Variants in FRMD6 observed in about 807,000 individuals in gnomAD.
FRMD6 encodes FERM domain containing 6, also known as FERM domain-containing protein 6.
In FRMD6, 37 loss-of-function variants were observed where a neutral mutation model predicts 73.2. That is an observed-to-expected ratio of 0.51 (90% CI 0.39 to 0.66). The LOEUF (loss-of-function observed/expected upper bound fraction) is 0.66. Ranked by LOEUF, FRMD6 falls within the 30% of genes least tolerant of loss-of-function variation. The pLI, the probability that FRMD6 is intolerant of heterozygous loss-of-function variation, is 0.00. For missense variants in FRMD6, 714 were observed against 780.5 expected (o/e 0.91, Z 1.02); for synonymous variants, 273 against 282.2 (o/e 0.97, Z 0.33).
chr14:51,544,252 AG>A (rs1393958833), intron 1 of FRMD6, among the ~76,000 whole-genome samples: 4 of 152,064 alleles, frequency 2.6e-5, no homozygotes, highest in Admixed American at 6.6e-5. Context: ...TAATGGAATG[AG>A]GTTTTTAAAA....
chr14:51,478,110 C>A, the FRMD6 span, among the ~76,000 whole-genome samples: 1 of 152,138 alleles, frequency 6.6e-6, no homozygotes, highest in Non-Finnish European at 1.5e-5. Flanking sequence ...ATAATGTTTT[C>A]TGTAACTGAG....
chr14:51,519,076 A>G (rs983480382), intron 1 of FRMD6, among the ~76,000 whole-genome samples: 1 of 152,168 alleles, frequency 6.6e-6, no homozygotes, highest in African/African-American at 2.4e-5. Context: ...AAATGATTTA[A>G]TACATGGGAC....
chr14:51,435,795 TTGAA>T, the FRMD6 span, among the ~76,000 whole-genome samples: 1 of 152,160 alleles, frequency 6.6e-6, no homozygotes, highest in African/African-American at 2.4e-5. Flanking sequence ...AGAGAGAACT[TTGAA>T]TGTTCTCAAC....
intron 1 of FRMD6, among the ~76,000 whole-genome samples, chr14:51,678,770 C>T (rs1241736286): frequency 7.1e-6 from 1 of 140,316 alleles, no homozygotes; most frequent in East Asian, 2.1e-4. Flanking sequence ...AGGCATGCTT[C>T]ACAGACCAGC....
At chr14:51,474,714 CA>C in the FRMD6 span, among the ~76,000 whole-genome samples, 1 of 152,090 alleles carries the variant, frequency 6.6e-6, no homozygotes, top group South Asian at 2.1e-4. Flanking sequence ...GAGACAGATT[CA>C]AAAGCTTGGA....
At chr14:51,629,168 C>T (rs1196550829) in intron 2 of FRMD6, among the ~76,000 whole-genome samples, 2 of 152,148 alleles carry the variant, frequency 1.3e-5, no homozygotes, top group Non-Finnish European at 2.9e-5. Context: ...CGTGAGCCAC[C>T]GCGCCCAGCC....
the FRMD6 span, among the ~76,000 whole-genome samples, chr14:51,425,247 C>T: frequency 6.6e-6 from 1 of 152,160 alleles, no homozygotes; most frequent in Non-Finnish European, 1.5e-5. Flanking sequence ...CCCTGATTAT[C>T]CTCGTCCTTG....
At chr14:51,401,411 G>A in the FRMD6 span, among the ~76,000 whole-genome samples, 10 of 152,292 alleles carry the variant, frequency 6.6e-5, no homozygotes, top group African/African-American at 2.4e-4. Context: ...TCTGCTTTGG[G>A]TTTGGCGGAC....
chr14:51,566,717 G>A (rs747508489), intron 1 of FRMD6, among the ~76,000 whole-genome samples: 6 of 152,232 alleles, frequency 3.9e-5, no homozygotes, highest in East Asian at 1.9e-4. Context: ...ACTTTTTACC[G>A]CAATTACTTT....
chr14:51,471,843 AGAG>A, the FRMD6 span, among the ~76,000 whole-genome samples: 1 of 152,222 alleles, frequency 6.6e-6, no homozygotes, highest in African/African-American at 2.4e-5. Context: ...AAGGAAAACA[AGAG>A]GAGAAAATTA....
chr14:51,626,563 A>G (rs1891124766), intron 2 of FRMD6, among the ~76,000 whole-genome samples: 1 of 152,210 alleles, frequency 6.6e-6, no homozygotes, highest in Non-Finnish European at 1.5e-5. Flanking sequence ...GTGAAATCCC[A>G]AATACAGTGC....
chr14:51,605,139 C>CTTTTTTT (rs11389733), intron 2 of FRMD6, among the ~76,000 whole-genome samples: 27 of 119,542 alleles, frequency 2.3e-4, no homozygotes, highest in East Asian at 2.5e-4. Flanking sequence ...CTGCAGGTTT[C>CTTTTTTT]TTTTTTTTTT....
At position 51,623,354 on chromosome 14, in the gene FRMD6, T is replaced by C. The variant is rs1186432904; in HGVS notation, c.-147+52944T>C. On this transcript the variant is annotated intron_variant, in intron 2 of 14. Transcript: ENST00000356218. ...GCCTGTCATTATATTTCCTGACTGG[T>C]AATCAAAGAAGTGGCCTTTAAAATG... is the stretch of plus-strand genomic sequence containing the variant. Among the ~76,000 whole-genome samples, 3 of 152,216 alleles carry C rather than the reference T, an allele frequency of 2.0e-5. No individual in the cohort carries two copies. The East Asian group carries it at 5.8e-4, about 29-fold the overall frequency.
At position 51,698,246 on chromosome 14, in the gene FRMD6, C is replaced by G. The variant is rs756018793; in HGVS notation, c.190+14C>G. On this transcript the variant is annotated intron_variant, in intron 3 of 13. Transcript: ENST00000344768. Reference sequence around the variant, plus strand: ...GTGTTATACAAAGTAAGTCTTAGAGCCCTCTCTGATGGATTTAGCCAACTA... The same window carrying G: ...GTGTTATACAAAGTAAGTCTTAGAGGCCTCTCTGATGGATTTAGCCAACTA... The G allele has an allele frequency of 6.3e-7, 1 of 1,580,408 alleles. No individual in the cohort carries two copies.
intron 1 of FRMD6, among the ~76,000 whole-genome samples, chr14:51,535,867 AT>A (rs1388504085): frequency 2.0e-5 from 3 of 151,714 alleles, no homozygotes; most frequent in African/African-American, 7.3e-5. Context: ...TTATTGTCTG[AT>A]TTTTTTATTT....
upstream of FRMD6, chr14:51,489,115 C>G (rs1882852446): frequency 6.6e-6 from 1 of 152,214 alleles, no homozygotes; most frequent in Non-Finnish European, 1.5e-5. Context: ...GAAATTAAAA[C>G]TGGAGAAAGA....
At chr14:51,708,404 C>A in intron 7 of FRMD6, 171 bp downstream of exon 7, 1 of 624,168 alleles carries the variant, frequency 1.6e-6, no homozygotes. Flanking sequence ...GTCTTGGAGG[C>A]CATGGTGCTT....
intron 2 of FRMD6, among the ~76,000 whole-genome samples, chr14:51,593,341 C>T (rs1889512997): frequency 6.6e-6 from 1 of 152,198 alleles, no homozygotes; most frequent in Non-Finnish European, 1.5e-5. Flanking sequence ...TTTACATTCA[C>T]CCTTTCCTGA....
At position 51,720,382 on chromosome 14, in the gene FRMD6, A is replaced by C; in HGVS notation, c.1352A>C (p.Gln451Pro). Reference protein sequence around the residue: ...GGKDRLEEDLQDDEIEMLVDD... With the variant: ...GGKDRLEEDLPDDEIEMLVDD... ...AAAGACCGGCTGGAAGAGGACTTAC[A>C]GGACGATGGTAACAGTACTGTCCCC... is the stretch of plus-strand genomic sequence containing the variant. Residue 451 changes from glutamine (Q) to proline (P), a missense_variant, in exon 11 of 14, where the codon CAG (glutamine) becomes CCG (proline). Gln to Pro is a moderately conservative substitution (Grantham distance 76). Transcript: ENST00000344768. 1 of 1,613,370 alleles carries C rather than the reference A, an allele frequency of 6.2e-7. No homozygotes were observed. Among genetic ancestry groups the C allele is most frequent in the Non-Finnish European group, 8.5e-7 (1 of 1,179,954 alleles).
Sources: gnomAD v4.1 joint callset for allele counts (sites outside exome capture counted in the v4.1 genomes callset) on GRCh38, gnomAD v4.1.1 for gene constraint, MANE v1.5 for transcripts, NCBI Gene and HGNC (gene_info 2026-07-23, HGNC 2026-07-21) for gene names.